The following SFI1 variants were observed in gnomAD, a reference collection of about 807,000 sequenced individuals.
SFI1 encodes the protein SFI1 centrin binding protein.
SFI1 carries 195 observed loss-of-function variants against 207.5 expected under a neutral mutation model. That is an observed-to-expected ratio of 0.94 (90% CI 0.84 to 1.06). The LOEUF is 1.06. Among genes scored for constraint, SFI1 ranks in the 50% least tolerant of loss-of-function variants. The pLI is 0.00. For missense variants in SFI1, 1,634 were observed against 1,588.0 expected (o/e 1.03, Z -0.49); for synonymous variants, 630 against 598.9 (o/e 1.05, Z -0.76).
chr22:31,584,864 A>G (rs1351066363), intron 13 of SFI1, among the ~76,000 whole-genome samples: 2 of 152,076 alleles, frequency 1.3e-5, no homozygotes, highest in African/African-American at 2.4e-5. Flanking sequence ...AAGTTGCAAC[A>G]TTTTAGGCAA....
intron 31 of SFI1, 81 bp downstream of exon 31, chr22:31,617,159 CCCGAGCCAGCTG>C (rs1213165216): frequency 3.4e-6 from 5 of 1,480,004 alleles, no homozygotes; most frequent in Non-Finnish European, 3.7e-6. Context: ...TTCCATTTCC[CCCGAGCCAGCTG>C]CCAGGGTCCT....
intron 12 of SFI1, among the ~76,000 whole-genome samples, chr22:31,581,398 C>T (rs2064161357): frequency 6.6e-6 from 1 of 151,940 alleles, no homozygotes; most frequent in South Asian, 2.1e-4. Context: ...AAGCGATTCT[C>T]ATGTCTCAGC....
rs140968485 is a variant in SFI1, at chr22:31,540,106, C to T, written c.339-6755C>T. 6.1e-4 allele frequency among the ~76,000 whole-genome samples: 76 copies of T among 125,414 alleles called. No homozygotes were observed. In the East Asian group the frequency reaches 0.017, roughly 28 times the overall value. 82.3% of individuals were successfully genotyped at this position (125,414 alleles called of 152,430 possible). A position where few individuals can be genotyped will look rare whatever the true frequency, so the allele number is the denominator to read the frequency against. The stretch of plus-strand genomic sequence containing the variant: ...AGATTTCACCAGGGAATCTAGCTGT[C>T]TGTGTCTCTGAAGGCCTTTCCCCTT... On this transcript the variant is annotated intron_variant, in intron 4 of 32. Coordinates refer to ENST00000400288, the MANE Select transcript of SFI1 (RefSeq NM_001007467.3).
At chr22:31,542,738 T>C (rs2059677407) in intron 4 of SFI1, among the ~76,000 whole-genome samples, 2 of 150,634 alleles carry the variant, frequency 1.3e-5, no homozygotes, top group South Asian at 4.2e-4. Flanking sequence ...CTCAGCTCAC[T>C]CCAACCTCCA....
chr22:31,511,470 T>TTTTG (rs1220752432), intron 2 of SFI1, among the ~76,000 whole-genome samples: 2 of 46,538 alleles, frequency 4.3e-5, no homozygotes, highest in Non-Finnish European at 1.1e-4. Flanking sequence ...TTCTGTTTTT[T>TTTTG]TTTTTTTTTT....
rs759935742 is a variant in SFI1, at chr22:31,617,026, G to C, written c.3460G>C (p.Glu1154Gln). ...CAGCCTGGACCTTGAGGCTGAACTT[G>C]AGGAGATCCAGCAGCAACTACTGCA... ...AGSLDLEAELEEIQQQLLHYQ... is the reference protein window; with the variant it reads ...AGSLDLEAELQEIQQQLLHYQ... The change falls in exon 31 of 33, where the codon GAG (glutamate) becomes CAG (glutamine). Residue 1154 changes from glutamate to glutamine, a missense_variant. By Grantham distance (29) the Glu-to-Gln change is conservative. Transcript: ENST00000400288. The C allele has an allele frequency of 6.2e-7, 1 of 1,613,888 alleles. No individual in the cohort carries two copies. The highest frequency in any genetic ancestry group is 1.1e-5 in the South Asian group (1 of 91,080).
chr22:31,547,296 T>A (rs535415857), intron 5 of SFI1, among the ~76,000 whole-genome samples: 97 of 152,204 alleles, frequency 6.4e-4, no homozygotes, highest in Non-Finnish European at 9.4e-4. Context: ...GTATTCTGGG[T>A]TTTTTGTTTG....
At position 31,606,422 on chromosome 22, in the gene SFI1, T is replaced by C. The variant is rs1410391831; in HGVS notation, c.2149T>C (p.Cys717Arg). The C allele has an allele frequency of 3.1e-6, 5 of 1,613,428 alleles. No homozygotes were observed. Among genetic ancestry groups the C allele is most frequent in the Admixed American group, 1.7e-5 (1 of 59,966 alleles). The change falls in exon 21 of 33, where the codon TGT becomes CGT. Residue 717 changes from cysteine to arginine, a missense_variant. Coordinates refer to ENST00000400288, the MANE Select transcript of SFI1 (RefSeq NM_001007467.3). Reference sequence around the variant, plus strand: ...AAGTACTCATTACAGAAGGACCATATGTTCCAAGGTGAGGTATAAGGAGGC... The same window carrying C: ...AAGTACTCATTACAGAAGGACCATACGTTCCAAGGTGAGGTATAAGGAGGC... ...QASTHYRRTI[C>R]SKVLVQWREA...
chr22:31,515,893 A>G (rs532021361), intron 2 of SFI1, among the ~76,000 whole-genome samples: 4 of 151,680 alleles, frequency 2.6e-5, no homozygotes, highest in South Asian at 2.1e-4. Flanking sequence ...ACGCACCACC[A>G]TGTCTGGCTA....
At position 31,548,306 on chromosome 22, in the gene SFI1, A is replaced by G. The variant is rs192212375; in HGVS notation, c.449+1335A>G. ...TGGGGAAGGCCGAGTGTGGTGGCTC[A>G]CTCCTATAATCCCAGTACTTTGGGA... On this transcript the variant is annotated intron_variant, in intron 5 of 32. Coordinates refer to ENST00000400288, the MANE Select transcript of SFI1 (RefSeq NM_001007467.3). Among the ~76,000 whole-genome samples, 42 of 151,844 alleles carry G rather than the reference A, an allele frequency of 2.8e-4. No homozygotes were observed. In the East Asian group the frequency reaches 7.6e-3, roughly 27 times the overall value.
intron 6 of SFI1, among the ~76,000 whole-genome samples, chr22:31,552,087 G>T (rs1031574807): frequency 7.9e-5 from 12 of 152,106 alleles, no homozygotes; most frequent in African/African-American, 2.9e-4. Context: ...ATGTCTGTGT[G>T]TACCAACAGT....
intron 1 of SFI1, among the ~76,000 whole-genome samples, chr22:31,502,256 A>C (rs1407725457): frequency 1.3e-5 from 2 of 152,138 alleles, no homozygotes; most frequent in African/African-American, 4.8e-5. Context: ...TTTTATGGTA[A>C]AATTGGTCTC....
chr22:31,589,085 T>A (rs2065433623), intron 14 of SFI1, among the ~76,000 whole-genome samples: 1 of 152,178 alleles, frequency 6.6e-6, no homozygotes, highest in Non-Finnish European at 1.5e-5. Flanking sequence ...ACTAATAAAT[T>A]GTTTAGGTTC....
chr22:31,591,625 G>A (rs1406240846), intron 15 of SFI1, among the ~76,000 whole-genome samples: 5 of 119,438 alleles, frequency 4.2e-5, no homozygotes, highest in Admixed American at 7.7e-5. Flanking sequence ...CCTCCCGGAC[G>A]GGGCGGCTGG....
At chr22:31,500,186 G>A (rs4541328) in intron 1 of SFI1, among the ~76,000 whole-genome samples, 62,762 of 147,934 alleles carry the variant, frequency 0.42, 13,831 homozygotes, top group Middle Eastern at 0.54. Context: ...GTGGTGGCGG[G>A]CACCTGTAAT....
chr22:31,606,491 C>G, intron 21 of SFI1, 61 bp downstream of exon 21: 1 of 1,405,518 alleles, frequency 7.1e-7, no homozygotes, highest in Non-Finnish European at 1.0e-6. Flanking sequence ...CTGGTGAGGG[C>G]GTGGGATGTA....
At position 31,618,555 on chromosome 22, in the gene SFI1, TC is replaced by T; in HGVS notation, c.*140del. The T allele has an allele frequency of 1.1e-6, 1 of 871,802 alleles. No homozygotes were observed. Among genetic ancestry groups the T allele is most frequent in the African/African-American group, 1.7e-5 (1 of 58,322 alleles). The allele number at this position is 871,802 out of a possible 1,614,324, so 54.0% of individuals were successfully genotyped here. A position where few individuals can be genotyped will look rare whatever the true frequency, so the allele number is the denominator to read the frequency against. ...TTAAATGAATTACTGTTCAGAAGTCTCCCACTTTTCATACAAAAATACTGTG... is the reference window on the plus strand; with the variant it reads ...TTAAATGAATTACTGTTCAGAAGTCTCCACTTTTCATACAAAAATACTGTG... On this transcript the variant is annotated 3_prime_UTR_variant, in exon 33 of 33. Coordinates refer to ENST00000400288, the MANE Select transcript of SFI1 (RefSeq NM_001007467.3).
At position 31,507,212 on chromosome 22, in the gene SFI1, A is replaced by G. The variant is rs1000531218; in HGVS notation, c.-30-1043A>G. Among the ~76,000 whole-genome samples the G allele has an allele frequency of 5.3e-5, 8 of 152,274 alleles. No homozygotes were observed. In the East Asian group the frequency reaches 1.3e-3, roughly 26 times the overall value. On this transcript the variant is annotated intron_variant, in intron 1 of 32. Transcript: ENST00000400288. Reference sequence around the variant, plus strand: ...CCAGAAATAAGACTGCACACCTACAACCATCTGATCTTTGACAAATGTGAC... The same window carrying G: ...CCAGAAATAAGACTGCACACCTACAGCCATCTGATCTTTGACAAATGTGAC...
Position 31,606,328 on chromosome 22 carries a change from C to T in SFI1, c.2055C>T (p.Arg685=), listed in dbSNP as rs746133363. 174 of 1,613,444 alleles carry T rather than the reference C, an allele frequency of 1.1e-4. No homozygotes were observed. The highest frequency in any genetic ancestry group is 1.4e-4 in the Non-Finnish European group (170 of 1,179,852). ...RESQHNRQLL[R]GALRRWKENT... is the part of the protein sequence containing the mutation. ...CTTCCTCGCACCCATGCATCTGCAG[C>T]GGGGCATTACGTCGCTGGAAAGAGA... The change falls in exon 21 of 33, where the codon CGC becomes CGT. Residue 685 remains arginine (R), a splice_region_variant and synonymous_variant. Transcript: ENST00000400288.
Sources: gnomAD v4.1 joint callset for allele counts (sites outside exome capture counted in the v4.1 genomes callset) on GRCh38, gnomAD v4.1.1 for gene constraint, MANE v1.5 for transcripts, NCBI Gene and HGNC (gene_info 2026-07-23, HGNC 2026-07-21) for gene names.